NDUFA10: variants seen among roughly 807,000 people sequenced by gnomAD.
NDUFA10 encodes NADH:ubiquinone oxidoreductase subunit A10.
Under a neutral mutation model 47.8 loss-of-function variants are expected in NDUFA10, and 40 were observed. The ratio of observed to expected loss-of-function variants is 0.84; its 90% CI spans 0.65 to 1.09. The LOEUF is 1.09. NDUFA10 is among the 50% of genes least tolerant of loss of function. The probability of loss-of-function intolerance (pLI) is 0.00; values close to 1 mark genes in which losing one functional copy is unlikely to be tolerated. For missense variants in NDUFA10, 413 were observed against 451.1 expected, an observed-to-expected ratio of 0.92 and a Z score of 0.76; for synonymous variants, 183 against 172.2, an observed-to-expected ratio of 1.06 and a Z score of -0.49.
chr2:239,925,683 C>T (rs2106370337), intron 4 of NDUFA10, among the ~76,000 whole-genome samples: 1 of 152,210 alleles, frequency 6.6e-6, no homozygotes, highest in Non-Finnish European at 1.5e-5. Flanking sequence ...AAAATTGGAC[C>T]TCACGCAAAT....
At chr2:239,939,678 G>C in intron 4 of NDUFA10, among the ~76,000 whole-genome samples, 1 of 152,216 alleles carries the variant, frequency 6.6e-6, no homozygotes, top group East Asian at 1.9e-4. Flanking sequence ...CGACAAGGAA[G>C]GGACAGCTAT....
downstream of NDUFA10, among the ~76,000 whole-genome samples, chr2:239,957,107 T>C (rs1694675191): frequency 6.6e-6 from 1 of 152,170 alleles, no homozygotes; most frequent in Non-Finnish European, 1.5e-5. Flanking sequence ...CCCCCTCCAC[T>C]GCGGGCTCGC....
In NDUFA10 at chr2:239,960,577, G is replaced by T; in HGVS notation, c.*541C>A. 9.9e-7 allele frequency: 1 copy of T among 1,007,834 alleles called. No homozygotes were observed. The highest frequency in any genetic ancestry group is 1.2e-6 in the Non-Finnish European group (1 of 841,110). 62.4% of individuals were successfully genotyped at this position (1,007,834 alleles called of 1,614,324 possible). A position where few individuals can be genotyped will look rare whatever the true frequency, so the allele number is the denominator to read the frequency against. On this transcript the variant is annotated 3_prime_UTR_variant, in exon 10 of 10. Coordinates refer to ENST00000252711, the MANE Select transcript of NDUFA10 (RefSeq NM_004544.4). ...ACGTTCTTATTTTTTCTACTCTAAT[G>T]TAGCACATTACTAAAATAAATACAG...
chr2:239,893,111 T>C (rs1247614075), intron 5 of NDUFA10, among the ~76,000 whole-genome samples: 2 of 152,146 alleles, frequency 1.3e-5, no homozygotes, highest in African/African-American at 2.4e-5. Flanking sequence ...CTGGCAGTAC[T>C]CTCTGCCCCT....
At chr2:239,923,076 G>A (rs1271781915) in intron 4 of NDUFA10, among the ~76,000 whole-genome samples, 1 of 152,112 alleles carries the variant, frequency 6.6e-6, no homozygotes, top group Non-Finnish European at 1.5e-5. Flanking sequence ...GGACAAAAGA[G>A]GCCATTACAT....
At chr2:239,944,561 A>C (rs1694413422) in intron 4 of NDUFA10, among the ~76,000 whole-genome samples, 3 of 152,188 alleles carry the variant, frequency 2.0e-5, no homozygotes, top group African/African-American at 4.8e-5. Context: ...TTTCCTCCAC[A>C]TCTGTTTGAA....
At chr2:239,971,015 CT>C (rs1444036362) in intron 9 of NDUFA10, among the ~76,000 whole-genome samples, 9 of 152,332 alleles carry the variant, frequency 5.9e-5, no homozygotes, top group African/African-American at 1.9e-4. Flanking sequence ...ACAAGCTTCT[CT>C]GTGTCATTAT....
At chr2:239,946,183 A>G (rs1029727156) in intron 4 of NDUFA10, among the ~76,000 whole-genome samples, 2 of 152,084 alleles carry the variant, frequency 1.3e-5, no homozygotes, top group African/African-American at 2.4e-5. Context: ...GCTCCTCCTC[A>G]GCCCCAGCTG....
chr2:240,013,036 TAAAAG>T, intron 5 of NDUFA10: 1 of 152,368 alleles, frequency 6.6e-6, no homozygotes, highest in East Asian at 1.9e-4. Context: ...TAACTGATTA[TAAAAG>T]AAACTCTAGT....
At chr2:239,899,473 G>GAGGGT (rs1693500568) in intron 4 of NDUFA10, among the ~76,000 whole-genome samples, 1 of 123,956 alleles carries the variant, frequency 8.1e-6, no homozygotes, top group Non-Finnish European at 2.0e-5. Context: ...TGACGGAGGG[G>GAGGGT]TGTGATGGAG....
rs1470446361 is a variant in NDUFA10, at chr2:239,906,047, G to A, written c.295-10733C>T. Among the ~76,000 whole-genome samples, 2 of 152,140 alleles carry A rather than the reference G, an allele frequency of 1.3e-5. No homozygotes were observed. The highest frequency in any genetic ancestry group is 2.9e-5 in the Non-Finnish European group (2 of 68,000). On this transcript the variant is annotated intron_variant, in intron 4 of 5. Coordinates refer to the NDUFA10 transcript ENST00000419408. This position sits in a 1 kb window ranked among gnomAD's most constrained non-coding sequence, Gnocchi z 4.3. The stretch of plus-strand genomic sequence containing the variant: ...TCCCCTAAGGAATTCCTGGAGCCCT[G>A]AGGGGTGATACCTCCAAGGTGCTCA...
At chr2:239,921,258 C>A (rs1693973316) in intron 4 of NDUFA10, among the ~76,000 whole-genome samples, 1 of 139,480 alleles carries the variant, frequency 7.2e-6, no homozygotes, top group South Asian at 2.4e-4. Context: ...GGTTTGTGGT[C>A]TCACTGACTT....
In NDUFA10 at chr2:240,003,432, G is replaced by A. The variant is rs116273447; in HGVS notation, c.890+1778C>T. Among the ~76,000 whole-genome samples, 597 of 152,324 alleles carry A rather than the reference G, an allele frequency of 3.9e-3. 2 individuals carry two copies. Among genetic ancestry groups the A allele is most frequent in the African/African-American group, 0.014 (570 of 41,570 alleles). ...CCTTGTGCCTCCAGGCCCTCGAGAG[G>A]CAAAGTGTTGGTGCAGTCTGCACAG... On this transcript the variant is annotated intron_variant, in intron 8 of 9. Transcript: ENST00000252711.
At position 239,921,703 on chromosome 2, in the gene NDUFA10, C is replaced by T. The variant is rs76411839; in HGVS notation, c.295-26389G>A. Among the ~76,000 whole-genome samples the T allele has an allele frequency of 8.9e-3, 1,353 of 152,240 alleles. 17 individuals are homozygous for T. Among genetic ancestry groups the T allele is most frequent in the African/African-American group, 0.031 (1,295 of 41,548 alleles). On this transcript the variant is annotated intron_variant, in intron 4 of 5. Coordinates refer to the NDUFA10 transcript ENST00000419408. ...GCATTTTACAATCCCCTTGTAAGGC[C>T]AGGCCGAGGAGACCCGGGATGAGGC...
Position 239,990,088 on chromosome 2 carries a change from G to GT in NDUFA10, c.984dup (p.His329ThrfsTer40). ...CACAGTCTTACCTCTCTGAACTGAT[G>GT]TAAGACACGGTCAGTCTGATGAGCT... On this transcript the variant is annotated frameshift_variant, in exon 9 of 10. Coordinates refer to ENST00000252711, the MANE Select transcript of NDUFA10 (RefSeq NM_004544.4). LOFTEE classifies it high-confidence loss of function. 6.2e-7 allele frequency: 1 copy of GT among 1,610,246 alleles called. No homozygotes were observed. Among genetic ancestry groups the GT allele is most frequent in the Non-Finnish European group, 8.5e-7 (1 of 1,176,520 alleles).
At position 239,945,415 on chromosome 2, in the gene NDUFA10, G is replaced by A. The variant is rs1376641159; in HGVS notation, c.294+44659C>T. ...CAGACCAAGCTCCTCACCTCTGAGC[G>A]TCGCTCCAGCTCCTTTCAAAGACGC... On this transcript the variant is annotated intron_variant, in intron 4 of 5. Coordinates refer to the NDUFA10 transcript ENST00000419408. The surrounding 1 kb of genome is among the most constrained non-coding windows in gnomAD (Gnocchi z 4.6). Among the ~76,000 whole-genome samples, 4 of 152,208 alleles carry A rather than the reference G, an allele frequency of 2.6e-5. No homozygotes were observed. The highest frequency in any genetic ancestry group is 4.8e-5 in the African/African-American group (2 of 41,456).
In NDUFA10 at chr2:239,960,895, A is replaced by C; in HGVS notation, c.*223T>G. On this transcript the variant is annotated 3_prime_UTR_variant, in exon 10 of 10. Transcript: ENST00000252711. ...CCAGTGAGAATGGTGGGCCATTCCA[A>C]AACAAAGCTAAAGGGTTCCAAACAT... 7.0e-7 allele frequency: 1 copy of C among 1,437,650 alleles called. No individual in the cohort carries two copies. Among genetic ancestry groups the C allele is most frequent in the Admixed American group, 2.3e-5 (1 of 43,370 alleles). 89.1% of individuals were successfully genotyped at this position (1,437,650 alleles called of 1,614,324 possible).
At position 240,021,366 on chromosome 2, in the gene NDUFA10, G is replaced by T. The variant is rs754857004; in HGVS notation, c.291C>A (p.Thr97=). 3.7e-6 allele frequency: 6 copies of T among 1,614,166 alleles called. No homozygotes were observed. The South Asian group carries it at 6.6e-5, about 18-fold the overall frequency. Residue 97 remains threonine, a synonymous_variant, in exon 3 of 10, where the codon ACC becomes ACA. Transcript: ENST00000252711. ...PEAGIHYPDS[T]TGDGKPLATD... ...TGGCGAGGGGCTTCCCATCTCCTGT[G>T]GTACTGTCTGGATAATGAATCCCCG... is the stretch of plus-strand genomic sequence containing the variant.
chr2:239,921,164 G>C (rs968546655), intron 4 of NDUFA10, among the ~76,000 whole-genome samples: 6 of 152,102 alleles, frequency 3.9e-5, no homozygotes, highest in African/African-American at 1.4e-4. Context: ...TGCAGGAACC[G>C]GGGCATGAGC....
Sources: allele counts gnomAD v4.1 joint callset (sites outside exome capture counted in the v4.1 genomes callset), GRCh38; gene constraint gnomAD v4.1.1; non-coding constraint Gnocchi (gnomAD v3.1); transcripts MANE v1.5; gene names NCBI Gene and HGNC (gene_info 2026-07-23, HGNC 2026-07-21).